Variants in SLC45A4 observed in about 807,000 individuals in gnomAD.
SLC45A4 encodes the protein polyamine-transporter SLC45A4.
A neutral mutation model predicts 63.7 loss-of-function variants in SLC45A4; 32 were observed. That is an observed-to-expected ratio of 0.50 (90% CI 0.38 to 0.67). SLC45A4 has a LOEUF of 0.67. SLC45A4 is among the 30% of genes least tolerant of loss of function. The pLI is 0.00. For missense variants in SLC45A4, 1,027 were observed against 1,157.7 expected, an observed-to-expected ratio of 0.89 and a Z score of 1.64; for synonymous variants, 535 against 510.0, an observed-to-expected ratio of 1.05 and a Z score of -0.66.
intron 2 of SLC45A4, among the ~76,000 whole-genome samples, chr8:141,250,928 T>C (rs1300575592): frequency 2.0e-5 from 3 of 152,222 alleles, no homozygotes; most frequent in Non-Finnish European, 4.4e-5. Flanking sequence ...ACTCACCATC[T>C]ATAAAGTATG....
At chr8:141,236,170 C>A (rs760055289) in intron 2 of SLC45A4, among the ~76,000 whole-genome samples, 21 of 152,190 alleles carry the variant, frequency 1.4e-4, no homozygotes, top group Admixed American at 4.6e-4. Context: ...GTAGAGCCTG[C>A]AGTGCCGACT....
chr8:141,245,707 C>T (rs1481693946), intron 2 of SLC45A4, among the ~76,000 whole-genome samples: 1 of 152,200 alleles, frequency 6.6e-6, no homozygotes, highest in Non-Finnish European at 1.5e-5. Context: ...CAACCCCAGA[C>T]CAGCCTTAGG....
intron 1 of SLC45A4, among the ~76,000 whole-genome samples, chr8:141,255,805 A>G (rs1050311803): frequency 1.3e-5 from 2 of 152,214 alleles, no homozygotes; most frequent in African/African-American, 4.8e-5. Flanking sequence ...GCATAGCATG[A>G]TTCTCTGTCC....
chr8:141,212,141 C>CCCCCCCCGGGGGG, intron 8 of SLC45A4, 56 bp downstream of exon 8: 4 of 1,109,168 alleles, frequency 3.6e-6, no homozygotes, highest in Admixed American at 4.9e-5. Context: ...CCCCGCCGCC[C>CCCCCCCCGGGGGG]GCCCGCCCGC....
chr8:141,267,803 G>A (rs1212751941), intron 1 of SLC45A4, among the ~76,000 whole-genome samples: 2 of 149,532 alleles, frequency 1.3e-5, no homozygotes, highest in Non-Finnish European at 2.9e-5. Flanking sequence ...CTTAGGGCAC[G>A]GACAACACCA....
chr8:141,267,520 G>T (rs191630962), intron 1 of SLC45A4, among the ~76,000 whole-genome samples: 2 of 152,236 alleles, frequency 1.3e-5, no homozygotes. Context: ...GTGTGAGATG[G>T]ATTCTTATTA....
intron 2 of SLC45A4, among the ~76,000 whole-genome samples, chr8:141,251,154 C>G (rs1175025690): frequency 6.6e-6 from 1 of 152,220 alleles, no homozygotes; most frequent in Non-Finnish European, 1.5e-5. Context: ...TTCCAAGCGC[C>G]TCAGCTTTGT....
Position 141,218,402 on chromosome 8 carries a change from C to T in SLC45A4, c.1238G>A (p.Arg413Gln), listed in dbSNP as rs139389573. 5.0e-5 allele frequency: 81 copies of T among 1,609,810 alleles called. No homozygotes were observed. Among genetic ancestry groups the T allele is most frequent in the Non-Finnish European group, 6.0e-5 (71 of 1,179,806 alleles). The change falls in exon 5 of 9, where the codon CGG becomes CAG. Residue 413 changes from arginine (R) to glutamine (Q), a missense_variant. Physicochemically the swap from Arg to Gln is conservative, Grantham distance 43. Transcript: ENST00000517878. ...TKPSATSSSM[R>Q]RRRHAFRRQA... ...CCTGCGGAACGCGTGCCGCCGCCGC[C>T]GCATGGAGCTCGACGTGGCCGAGGG...
At chr8:141,272,641 G>A (rs1322094602) in intron 1 of SLC45A4, among the ~76,000 whole-genome samples, 10 of 152,092 alleles carry the variant, frequency 6.6e-5, no homozygotes, top group Non-Finnish European at 5.9e-5. Context: ...CTTGCCACAC[G>A]GCACCTGCAA....
chr8:141,239,596 A>G (rs991207836), intron 2 of SLC45A4, among the ~76,000 whole-genome samples: 5 of 149,050 alleles, frequency 3.4e-5, no homozygotes, highest in South Asian at 4.2e-4. Flanking sequence ...ACACACACAC[A>G]CACGCACGCA....
At chr8:141,283,578 G>C (rs1349131193) in intron 1 of SLC45A4, among the ~76,000 whole-genome samples, 5 of 152,336 alleles carry the variant, frequency 3.3e-5, no homozygotes, top group African/African-American at 1.2e-4. Flanking sequence ...TAGTCCCAGG[G>C]GGCAGCAAGG....
intron 1 of SLC45A4, among the ~76,000 whole-genome samples, chr8:141,274,024 T>C (rs1012613252): frequency 7.2e-6 from 1 of 138,612 alleles, no homozygotes; most frequent in Admixed American, 7.3e-5. Context: ...GGTCAGAAGA[T>C]TGAGACCATC....
chr8:141,246,747 A>G (rs893684943), intron 2 of SLC45A4, among the ~76,000 whole-genome samples: 1 of 152,070 alleles, frequency 6.6e-6, no homozygotes, highest in Non-Finnish European at 1.5e-5. Context: ...TAGAAATGAA[A>G]CCATTTCTAA....
chr8:141,243,774 A>G (rs1325141758), intron 2 of SLC45A4, among the ~76,000 whole-genome samples: 1 of 152,008 alleles, frequency 6.6e-6, no homozygotes, highest in East Asian at 1.9e-4. Context: ...CAGCCTACTC[A>G]ACATGAAGAT....
intron 2 of SLC45A4, among the ~76,000 whole-genome samples, chr8:141,223,655 C>G (rs1189694667): frequency 1.3e-5 from 2 of 152,244 alleles, no homozygotes; most frequent in Non-Finnish European, 2.9e-5. Context: ...GCCTGGGAAC[C>G]CCTCCTGCTG....
At chr8:141,304,728 C>T (rs972644771) in intron 1 of SLC45A4, among the ~76,000 whole-genome samples, 1 of 152,106 alleles carries the variant, frequency 6.6e-6, no homozygotes, top group African/African-American at 2.4e-5. Context: ...ATGACCCCTA[C>T]CAAGTGTCCC....
intron 2 of SLC45A4, among the ~76,000 whole-genome samples, chr8:141,233,515 C>G (rs903281442): frequency 6.6e-6 from 1 of 152,078 alleles, no homozygotes; most frequent in Non-Finnish European, 1.5e-5. Context: ...AACCCCACCA[C>G]CTGCAGCAAA....
At position 141,209,038 on chromosome 8, in the gene SLC45A4, G is replaced by T. The variant is rs1230396182; in HGVS notation, c.*2534C>A. The T allele has an allele frequency of 1.3e-5, 2 of 152,472 alleles. No homozygotes were observed. The highest frequency in any genetic ancestry group is 2.9e-5 in the Non-Finnish European group (2 of 68,246). The allele number at this position is 152,472 out of a possible 1,614,324, so 9.4% of individuals were successfully genotyped here. ...ACAGCCCACACCCCAAGGGTGCCAC[G>T]AGCCCAACTCCAGCTGCGTCCTCAG... On this transcript the variant is annotated 3_prime_UTR_variant, in exon 9 of 9. Coordinates refer to ENST00000517878, the MANE Select transcript of SLC45A4 (RefSeq NM_001286646.2).
At chr8:141,244,968 G>GGGGGGGGGGGGGGGGGGC (rs1569558620) in intron 2 of SLC45A4, among the ~76,000 whole-genome samples, 1 of 71,836 alleles carries the variant, frequency 1.4e-5, no homozygotes, top group Admixed American at 1.3e-4. Flanking sequence ...GGGGGGGGGG[G>GGGGGGGGGGGGGGGGGGC]GCGGTGTGGA....
Sources: allele counts gnomAD v4.1 joint callset (sites outside exome capture counted in the v4.1 genomes callset), GRCh38; gene constraint gnomAD v4.1.1; transcripts MANE v1.5; gene names NCBI Gene and HGNC (gene_info 2026-07-23, HGNC 2026-07-21).